Variants in CNOT1 observed in about 807,000 individuals in gnomAD.
The protein encoded by CNOT1 is CCR4-associated factor 1.
Under a neutral mutation model 273.8 loss-of-function variants are expected in CNOT1, and 15 were observed. That is an observed-to-expected ratio of 0.05 (90% CI 0.04 to 0.08). CNOT1 has a LOEUF of 0.08. Among genes scored for constraint, CNOT1 ranks in the 10% least tolerant of loss-of-function variants. CNOT1 has a pLI of 1.00. For missense variants in CNOT1, 1,644 were observed against 2,912.2 expected (o/e 0.56, Z 10.02); for synonymous variants, 1,022 against 1,005.5 (o/e 1.02, Z -0.31).
At chr16:58,562,301 G>A (rs918544093) in intron 16 of CNOT1, among the ~76,000 whole-genome samples, 1 of 150,210 alleles carries the variant, frequency 6.7e-6, no homozygotes, top group East Asian at 2.0e-4. Flanking sequence ...AAGGAGTTTC[G>A]AGACCAGCCT....
chr16:58,543,906 G>C lies in CNOT1; in HGVS notation c.4138-3C>G, dbSNP rs754563044. The stretch of plus-strand genomic sequence containing the variant: ...GGATGGGCCTGAAACAAGGGAATCT[G>C]GGGGGTTGGGGAGGACAAAGTCAAC... On this transcript the variant is annotated splice_region_variant and splice_polypyrimidine_tract_variant and intron_variant, in intron 30 of 48. Transcript: ENST00000317147. The C allele has an allele frequency of 2.5e-6, 4 of 1,592,042 alleles. No homozygotes were observed. Among genetic ancestry groups the C allele is most frequent in the African/African-American group, 1.3e-5 (1 of 74,322 alleles).
intron 16 of CNOT1, among the ~76,000 whole-genome samples, chr16:58,566,900 G>A (rs921623256): frequency 1.3e-5 from 2 of 152,076 alleles, no homozygotes; most frequent in African/African-American, 4.8e-5. Context: ...CAAAGTGCTG[G>A]GATTACAGCT....
chr16:58,558,924 T>C (rs1325630000), intron 17 of CNOT1, among the ~76,000 whole-genome samples: 1 of 152,202 alleles, frequency 6.6e-6, no homozygotes, highest in Non-Finnish European at 1.5e-5. Flanking sequence ...TTATTGAAAA[T>C]ACTTGGAACC....
chr16:58,614,222 G>T (rs2043002862), intron 1 of CNOT1, among the ~76,000 whole-genome samples: 1 of 124,174 alleles, frequency 8.1e-6, no homozygotes, highest in African/African-American at 2.7e-5. Flanking sequence ...CACTGTAGAA[G>T]AGAGGTAACA....
At chr16:58,584,948 A>G (rs948759922) in intron 8 of CNOT1, among the ~76,000 whole-genome samples, 3 of 152,336 alleles carry the variant, frequency 2.0e-5, no homozygotes, top group African/African-American at 4.8e-5. Context: ...AAGCCACAGA[A>G]GAAGGCAGAA....
intron 1 of CNOT1, among the ~76,000 whole-genome samples, chr16:58,603,485 T>C (rs1202362791): frequency 6.6e-6 from 1 of 151,132 alleles, no homozygotes; most frequent in Non-Finnish European, 1.5e-5. Flanking sequence ...TATGTCATCC[T>C]GTTCTCAAAA....
rs542967842 is a variant in CNOT1, at chr16:58,566,841, T to C, written c.1980-6479A>G. Among the ~76,000 whole-genome samples, 6 of 152,230 alleles carry C rather than the reference T, an allele frequency of 3.9e-5. No homozygotes were observed. The East Asian group carries it at 1.2e-3, about 29-fold the overall frequency. ...TAGCGATGGGATTTCTCCATGTTGA[T>C]CAGGCTGGTCTTGAGCTCCCAACCT... On this transcript the variant is annotated intron_variant, in intron 16 of 48. Transcript: ENST00000317147.
chr16:58,601,200 C>T (rs778932841), intron 1 of CNOT1, among the ~76,000 whole-genome samples: 2 of 152,214 alleles, frequency 1.3e-5, no homozygotes, highest in Non-Finnish European at 2.9e-5. Context: ...AGGCGATCCA[C>T]CTGCTTCGGC....
At chr16:58,571,238 G>C (rs2041262142) in intron 16 of CNOT1, among the ~76,000 whole-genome samples, 1 of 152,162 alleles carries the variant, frequency 6.6e-6, no homozygotes, top group Non-Finnish European at 1.5e-5. Flanking sequence ...ACATTTTACA[G>C]TAAGGGTCAA....
At chr16:58,620,424 T>C (rs774385360) in intron 1 of CNOT1, among the ~76,000 whole-genome samples, 2 of 152,046 alleles carry the variant, frequency 1.3e-5, no homozygotes, top group Admixed American at 1.3e-4. Flanking sequence ...GCAGATCACC[T>C]GAGGTCAGGG....
chr16:58,587,511 T>C, intron 4 of CNOT1, 98 bp from the exon 5 acceptor site: 2 of 1,520,006 alleles, frequency 1.3e-6, no homozygotes, highest in East Asian at 2.3e-5. Context: ...TACATAGGAG[T>C]TGCTTAATTC....
chr16:58,527,826 G>A, intron 44 of CNOT1: 1 of 195,366 alleles, frequency 5.1e-6, no homozygotes, highest in East Asian at 1.6e-4. Context: ...GTGAAATATG[G>A]AGACTATGGC....
At chr16:58,587,459 A>G (rs549715706) in intron 4 of CNOT1, 46 bp from the exon 5 acceptor site, 2 of 1,608,596 alleles carry the variant, frequency 1.2e-6, no homozygotes, top group African/African-American at 1.3e-5. Flanking sequence ...TTACTTTTTC[A>G]AGAAGTTTTT....
intron 21 of CNOT1, among the ~76,000 whole-genome samples, chr16:58,554,933 C>T (rs1329465094): frequency 9.5e-5 from 1 of 10,542 alleles, no homozygotes; most frequent in Admixed American, 5.3e-4. Context: ...AAGACTCCAT[C>T]TCAAAAAAAA....
At chr16:58,629,467 C>A (rs548552386) in intron 1 of CNOT1, among the ~76,000 whole-genome samples, 33 of 152,284 alleles carry the variant, frequency 2.2e-4, no homozygotes, top group African/African-American at 7.9e-4. Flanking sequence ...GGTCTCACCC[C>A]GCGCTCTACC....
At position 58,527,635 on chromosome 16, in the gene CNOT1, C is replaced by T. The variant is rs57767974; in HGVS notation, c.6453+840G>A. 1.8e-4 allele frequency among the ~76,000 whole-genome samples: 28 copies of T among 152,272 alleles called. No individual in the cohort carries two copies. In the East Asian group the frequency reaches 5.4e-3, roughly 29 times the overall value. ...TAGTTATTTCCATAATAGCATTACA[C>T]TACATTAGGTATCATAAGCACTACA... On this transcript the variant is annotated intron_variant, in intron 44 of 48. Coordinates refer to ENST00000317147, the MANE Select transcript of CNOT1 (RefSeq NM_016284.5).
chr16:58,567,982 T>C (rs1414772461), intron 16 of CNOT1, among the ~76,000 whole-genome samples: 4 of 152,208 alleles, frequency 2.6e-5, no homozygotes, highest in African/African-American at 9.6e-5. Context: ...ATGAGGTGTT[T>C]ACAAAAAACA....
At chr16:58,604,137 C>G (rs1310829266) in intron 1 of CNOT1, among the ~76,000 whole-genome samples, 3 of 152,096 alleles carry the variant, frequency 2.0e-5, no homozygotes, top group African/African-American at 7.2e-5. Flanking sequence ...GTGATTTAGC[C>G]TTAGTAGTGC....
intron 1 of CNOT1, among the ~76,000 whole-genome samples, chr16:58,628,955 C>T (rs1310182547): frequency 1.3e-5 from 2 of 152,226 alleles, no homozygotes; most frequent in Non-Finnish European, 2.9e-5. Flanking sequence ...TCTTATCAGC[C>T]TTGAGGCCTA....
Sources: allele counts gnomAD v4.1 joint callset (sites outside exome capture counted in the v4.1 genomes callset), GRCh38; gene constraint gnomAD v4.1.1; transcripts MANE v1.5; gene names NCBI Gene and HGNC (gene_info 2026-07-23, HGNC 2026-07-21).